The following PPP2R3A variants were observed in gnomAD, a reference collection of about 807,000 sequenced individuals.
The protein encoded by PPP2R3A is protein phosphatase 2 regulatory subunit B''alpha, also known as serine/threonine-protein phosphatase 2A regulatory subunit B'' subunit alpha.
PPP2R3A carries 80 observed loss-of-function variants against 106.9 expected under a neutral mutation model. The observed-to-expected ratio is 0.75, with a 90% CI of 0.62 to 0.90. PPP2R3A has a LOEUF of 0.90. Ranked by LOEUF, PPP2R3A falls within the 40% of genes least tolerant of loss-of-function variation. The pLI is 0.00. For synonymous variants in PPP2R3A, 483 were observed against 468.3 expected, an observed-to-expected ratio of 1.03 and a Z score of -0.41; for missense variants, 1,386 against 1,350.4, an observed-to-expected ratio of 1.03 and a Z score of -0.41.
chr3:136,116,811 A>G (rs116731423), intron 13 of PPP2R3A, among the ~76,000 whole-genome samples: 1,584 of 152,024 alleles, frequency 0.01, 27 homozygotes, highest in African/African-American at 0.034. Flanking sequence ...TAACACCCCA[A>G]TGTCAGTATT....
intron 13 of PPP2R3A, among the ~76,000 whole-genome samples, chr3:136,134,368 T>A (rs1938528176): frequency 6.6e-6 from 1 of 152,180 alleles, no homozygotes; most frequent in African/African-American, 2.4e-5. Flanking sequence ...TTGTAAATAA[T>A]CAGAAATTTG....
At chr3:136,016,819 A>T (rs2107808847) in intron 2 of PPP2R3A, among the ~76,000 whole-genome samples, 1 of 152,266 alleles carries the variant, frequency 6.6e-6, no homozygotes, top group South Asian at 2.1e-4. Context: ...ATTCAACATT[A>T]CTATTGCCAT....
At chr3:136,084,207 C>G (rs535660281) in intron 8 of PPP2R3A, among the ~76,000 whole-genome samples, 1 of 152,236 alleles carries the variant, frequency 6.6e-6, no homozygotes, top group African/African-American at 2.4e-5. Context: ...TGGGGCCCCC[C>G]CTGCTCTATG....
In PPP2R3A at chr3:136,001,380, T is replaced by C; in HGVS notation, c.-119T>C. ...CCTTCATGGGAAAAGCCATTATATTTGGAAGAAACCACTGAACATTGTTAT... is the reference window on the plus strand; with the variant it reads ...CCTTCATGGGAAAAGCCATTATATTCGGAAGAAACCACTGAACATTGTTAT... On this transcript the variant is annotated 5_prime_UTR_variant, in exon 2 of 14. Transcript: ENST00000264977. 1 of 894,336 alleles carries C rather than the reference T, an allele frequency of 1.1e-6. No homozygotes were observed. The highest frequency in any genetic ancestry group is 2.5e-5 in the Admixed American group (1 of 39,928). The allele number at this position is 894,336 out of a possible 1,614,324, so 55.4% of individuals were successfully genotyped here. A position where few individuals can be genotyped will look rare whatever the true frequency, so the allele number is the denominator to read the frequency against.
At position 136,140,005 on chromosome 3, in the gene PPP2R3A, CAAAAAAAAA is replaced by C. The variant is rs370749523; in HGVS notation, c.3330-5028_3330-5020del. ...TGAGCAACAGAGCGAGACTCTGTCT[CAAAAAAAAA>C]AAAAAAAAAGAATATGTTCTCAATT... is the stretch of plus-strand genomic sequence containing the variant. On this transcript the variant is annotated intron_variant, in intron 13 of 13. Coordinates refer to ENST00000264977, the MANE Select transcript of PPP2R3A (RefSeq NM_002718.5). 8.3e-5 allele frequency among the ~76,000 whole-genome samples: 7 copies of C among 84,250 alleles called. No homozygotes were observed. The East Asian group carries it at 3.4e-3, about 41-fold the overall frequency. The allele number at this position is 84,250 out of a possible 152,430, so 55.3% of individuals were successfully genotyped here. A position where few individuals can be genotyped will look rare whatever the true frequency, so the allele number is the denominator to read the frequency against.
chr3:136,003,363 T>C lies in PPP2R3A; in HGVS notation c.1865T>C (p.Met622Thr). The C allele has an allele frequency of 1.9e-6, 3 of 1,613,948 alleles. No homozygotes were observed. The highest frequency in any genetic ancestry group is 2.2e-5 in the East Asian group (1 of 44,846). Residue 622 changes from methionine to threonine, a missense_variant, in exon 2 of 14, where the codon ATG becomes ACG. Coordinates refer to ENST00000264977, the MANE Select transcript of PPP2R3A (RefSeq NM_002718.5). ...AGCCTATCACAAGAAAAGGAAATGA[T>C]GCAAATTCTACAGGAAACCTTGACA... ...RGSLSQEKEMMQILQETLTTS... is the reference protein window; with the variant it reads ...RGSLSQEKEMTQILQETLTTS...
At position 136,082,332 on chromosome 3, in the gene PPP2R3A, T is replaced by C; in HGVS notation, c.2699T>C (p.Phe900Ser). The C allele has an allele frequency of 6.2e-7, 1 of 1,607,116 alleles. No individual in the cohort carries two copies. The highest frequency in any genetic ancestry group is 8.5e-7 in the Non-Finnish European group (1 of 1,173,740). Residue 900 changes from phenylalanine (F) to serine (S), a missense_variant, in exon 8 of 14, where the codon TTC becomes TCC. Phe to Ser is a radical substitution (Grantham distance 155). Coordinates refer to ENST00000264977, the MANE Select transcript of PPP2R3A (RefSeq NM_002718.5). ...ACAGATTACTTCTCCTATGAACATTTCTATGTTATTTATTGTAAATTCTGG... is the reference window on the plus strand; with the variant it reads ...ACAGATTACTTCTCCTATGAACATTCCTATGTTATTTATTGTAAATTCTGG... ...QITDYFSYEH[F>S]YVIYCKFWEL...
chr3:136,127,527 C>T (rs1306668211), intron 13 of PPP2R3A, among the ~76,000 whole-genome samples: 6 of 152,120 alleles, frequency 3.9e-5, no homozygotes, highest in African/African-American at 9.7e-5. Flanking sequence ...AAAACCAAAT[C>T]GACATCTGAT....
At chr3:136,082,498 T>G in intron 8 of PPP2R3A, 77 bp downstream of exon 8, 1 of 1,508,016 alleles carries the variant, frequency 6.6e-7, no homozygotes. Flanking sequence ...TATGAGAAAT[T>G]CCCGTTTGCT....
At chr3:136,036,663 G>A (rs963549206) in intron 3 of PPP2R3A, among the ~76,000 whole-genome samples, 1 of 152,140 alleles carries the variant, frequency 6.6e-6, no homozygotes, top group African/African-American at 2.4e-5. Flanking sequence ...GGGTCTGTGG[G>A]TCTTCTCAGG....
chr3:136,043,273 C>G (rs940156580), intron 4 of PPP2R3A, among the ~76,000 whole-genome samples: 2 of 152,120 alleles, frequency 1.3e-5, no homozygotes, highest in African/African-American at 4.8e-5. Context: ...TCCTGGCTAA[C>G]ACAGTGAAAC....
At chr3:136,007,472 C>A (rs1000200442) in intron 2 of PPP2R3A, among the ~76,000 whole-genome samples, 5 of 152,174 alleles carry the variant, frequency 3.3e-5, no homozygotes, top group African/African-American at 1.2e-4. Flanking sequence ...CTTACCTAGA[C>A]CTCTAAGTCT....
At chr3:136,012,970 C>T (rs1934134258) in intron 2 of PPP2R3A, among the ~76,000 whole-genome samples, 1 of 152,128 alleles carries the variant, frequency 6.6e-6, no homozygotes, top group Non-Finnish European at 1.5e-5. Context: ...TCCCAAGTCC[C>T]CGAAGTCCAT....
chr3:136,013,411 G>C (rs769142273), intron 2 of PPP2R3A, among the ~76,000 whole-genome samples: 1 of 152,090 alleles, frequency 6.6e-6, no homozygotes, highest in Non-Finnish European at 1.5e-5. Flanking sequence ...TCTACTTTCA[G>C]TTCTTTAAGG....
intron 13 of PPP2R3A, among the ~76,000 whole-genome samples, chr3:136,137,668 A>G (rs1576339792): frequency 6.6e-6 from 1 of 150,940 alleles, no homozygotes; most frequent in East Asian, 2.0e-4. Flanking sequence ...CAGCCTACCG[A>G]GTAGCTGGGA....
At chr3:136,048,424 G>A (rs61791710) in intron 4 of PPP2R3A, among the ~76,000 whole-genome samples, 11,247 of 152,232 alleles carry the variant, frequency 0.074, 564 homozygotes, top group Non-Finnish European at 0.1. Context: ...TGTAATCCCA[G>A]CACTTTGGGA....
intron 8 of PPP2R3A, 104 bp downstream of exon 8, chr3:136,082,525 C>T: frequency 3.8e-6 from 5 of 1,315,078 alleles, no homozygotes; most frequent in Non-Finnish European, 5.3e-6. Context: ...TAAACCTAAT[C>T]AAGTCCTCTT....
At position 135,972,025 on chromosome 3, in the gene PPP2R3A, T is replaced by C. The variant is rs146530818; in HGVS notation, c.-441+6176T>C. On this transcript the variant is annotated intron_variant, in intron 1 of 13. Coordinates refer to ENST00000264977, the MANE Select transcript of PPP2R3A (RefSeq NM_002718.5). ...ATTTTAAAGTGTACAAATCAGTTAC[T>C]TCAGTATGTACATTCACAATGTTGT... Among the ~76,000 whole-genome samples, 293 of 152,280 alleles carry C rather than the reference T, an allele frequency of 1.9e-3. 1 individual carries two copies. The highest frequency in any genetic ancestry group is 6.6e-3 in the African/African-American group (274 of 41,564).
Position 136,147,592 on chromosome 3 carries a change from G to C in PPP2R3A, c.*2426G>C, listed in dbSNP as rs1939188674. 6.6e-6 allele frequency: 1 copy of C among 152,538 alleles called. No individual in the cohort carries two copies. Among genetic ancestry groups the C allele is most frequent in the African/African-American group, 2.4e-5 (1 of 41,438 alleles). The allele number at this position is 152,538 out of a possible 1,614,324, so 9.4% of individuals were successfully genotyped here. On this transcript the variant is annotated 3_prime_UTR_variant, in exon 14 of 14. Coordinates refer to ENST00000264977, the MANE Select transcript of PPP2R3A (RefSeq NM_002718.5). ...AAGTATAATCATTACTGCCAAACTGGAATTTTCAAGTTATTATAATATCCC... is the reference window on the plus strand; with the variant it reads ...AAGTATAATCATTACTGCCAAACTGCAATTTTCAAGTTATTATAATATCCC...
Sources: allele counts gnomAD v4.1 joint callset (sites outside exome capture counted in the v4.1 genomes callset), GRCh38; gene constraint gnomAD v4.1.1; transcripts MANE v1.5; gene names NCBI Gene and HGNC (gene_info 2026-07-23, HGNC 2026-07-21).